SECISBP2L: variants seen among roughly 807,000 people sequenced by gnomAD.
The protein encoded by SECISBP2L is selenocysteine insertion sequence-binding protein 2-like.
Under a neutral mutation model 114.7 loss-of-function variants are expected in SECISBP2L, and 43 were observed. That is an observed-to-expected ratio of 0.38 (90% confidence interval 0.29 to 0.48). The LOEUF is 0.48. Ranked by LOEUF, SECISBP2L falls within the 20% of genes least tolerant of loss-of-function variation. SECISBP2L has a pLI of 0.98. For synonymous variants in SECISBP2L, 451 were observed against 439.7 expected (o/e 1.03, Z -0.32); for missense variants, 1,136 against 1,301.1 (o/e 0.87, Z 1.95).
chr15:49,038,066 G>C (rs183612055), intron 1 of SECISBP2L, among the ~76,000 whole-genome samples: 1 of 152,102 alleles, frequency 6.6e-6, no homozygotes, highest in East Asian at 1.9e-4. Context: ...TAAAAATAAA[G>C]TTGGTAGTAA....
At chr15:49,040,837 C>T (rs1010484643) in intron 1 of SECISBP2L, among the ~76,000 whole-genome samples, 4 of 151,538 alleles carry the variant, frequency 2.6e-5, no homozygotes, top group Admixed American at 6.6e-5. Flanking sequence ...CGCGCCCGGC[C>T]GATCCCAAAC....
intron 6 of SECISBP2L, 82 bp downstream of exon 6, chr15:49,028,062 A>G: frequency 1.6e-6 from 2 of 1,267,954 alleles, no homozygotes; most frequent in Non-Finnish European, 2.2e-6. Flanking sequence ...TTGCAGTATC[A>G]GCAAGCCTCA....
Position 48,992,287 on chromosome 15 carries a change from T to C in SECISBP2L, c.3263A>G (p.Asn1088Ser), listed in dbSNP as rs145854377. The change falls in exon 18 of 18, where the codon AAC (asparagine) becomes AGC (serine). Residue 1088 changes from asparagine (N) to serine (S), a missense_variant. By Grantham distance (46) the Asn-to-Ser change is conservative. Coordinates refer to ENST00000559471, the MANE Select transcript of SECISBP2L (RefSeq NM_001193489.2). The part of the protein sequence containing the change: ...QQKSSNCSSL[N>S]KEHSDSNYTT... Reference sequence around the variant, plus strand: ...GTAATTAGAATCAGAGTGCTCTTTGTTGAGCGAGCTGCAGTTGCTGGACTT... The same window carrying C: ...GTAATTAGAATCAGAGTGCTCTTTGCTGAGCGAGCTGCAGTTGCTGGACTT... The C allele has an allele frequency of 1.1e-4, 170 of 1,612,600 alleles. 1 individual carries two copies. In the Middle Eastern group the frequency reaches 2.8e-3, roughly 27 times the overall value.
At chr15:49,045,882 T>C (rs1903236860) in intron 1 of SECISBP2L, among the ~76,000 whole-genome samples, 2 of 152,178 alleles carry the variant, frequency 1.3e-5, no homozygotes, top group Non-Finnish European at 1.5e-5. Flanking sequence ...TCTTACAGTC[T>C]TTCTGGGTGA....
intron 6 of SECISBP2L, among the ~76,000 whole-genome samples, chr15:49,027,765 C>T (rs1196442870): frequency 6.6e-6 from 1 of 152,052 alleles, no homozygotes; most frequent in Non-Finnish European, 1.5e-5. Context: ...CTCACCACCA[C>T]GTCCAGTTAA....
intron 1 of SECISBP2L, 23 bp downstream of exon 1, chr15:49,046,253 G>A: frequency 1.9e-6 from 3 of 1,566,906 alleles, no homozygotes; most frequent in Non-Finnish European, 2.6e-6. Context: ...CCGGCTCGGC[G>A]GGCCCAGCCC....
At chr15:49,043,293 T>C (rs977808859) in intron 1 of SECISBP2L, among the ~76,000 whole-genome samples, 5 of 152,116 alleles carry the variant, frequency 3.3e-5, no homozygotes, top group Admixed American at 3.3e-4. Context: ...AGCTAGACAA[T>C]TTTCTATCCT....
intron 7 of SECISBP2L, among the ~76,000 whole-genome samples, chr15:49,026,171 A>C (rs1483054557): frequency 6.6e-6 from 1 of 152,188 alleles, no homozygotes; most frequent in African/African-American, 2.4e-5. Context: ...GAAGCTAAAA[A>C]AGTTGATCTT....
chr15:49,023,561 A>G (rs1000919587), intron 7 of SECISBP2L, among the ~76,000 whole-genome samples: 2 of 152,254 alleles, frequency 1.3e-5, no homozygotes, highest in Non-Finnish European at 2.9e-5. Flanking sequence ...CTGATTCTAT[A>G]CATACACATT....
At chr15:49,014,872 GTATA>G (rs1391271893) in intron 11 of SECISBP2L, among the ~76,000 whole-genome samples, 1 of 148,960 alleles carries the variant, frequency 6.7e-6, no homozygotes, top group Non-Finnish European at 1.5e-5. Context: ...AGTATATACT[GTATA>G]TATAATATAG....
intron 4 of SECISBP2L, among the ~76,000 whole-genome samples, chr15:49,029,687 G>A (rs1006993052): frequency 6.6e-6 from 1 of 152,088 alleles, no homozygotes; most frequent in Non-Finnish European, 1.5e-5. Flanking sequence ...AGAACTTAGG[G>A]GATGCACATA....
intron 4 of SECISBP2L, among the ~76,000 whole-genome samples, chr15:49,032,380 T>C (rs1182088269): frequency 6.6e-6 from 1 of 152,210 alleles, no homozygotes; most frequent in Non-Finnish European, 1.5e-5. Flanking sequence ...TAGCACATTG[T>C]AAGAATACTA....
chr15:49,033,063 G>T lies in SECISBP2L; in HGVS notation c.566C>A (p.Pro189Gln), dbSNP rs762754299. 41 of 1,613,412 alleles carry T rather than the reference G, an allele frequency of 2.5e-5. No homozygotes were observed. The highest frequency in any genetic ancestry group is 3.4e-5 in the Non-Finnish European group (40 of 1,179,888). Residue 189 changes from proline (P) to glutamine (Q), a missense_variant, in exon 4 of 18, where the codon CCG becomes CAG. This residue lies in a region of SECISBP2L where 452 missense variants were observed against 452.3 expected (regional missense o/e 1.00). Coordinates refer to ENST00000559471, the MANE Select transcript of SECISBP2L (RefSeq NM_001193489.2). ...LLQQHIKSKRPLVKNVATQKE... is the reference protein window; with the variant it reads ...LLQQHIKSKRQLVKNVATQKE... ...CTGAGTAGCTACATTTTTCACCAGC[G>T]GCCTTTTGCTTTTTATGTGCTGTTG...
chr15:49,005,136 C>A (rs949185995), intron 14 of SECISBP2L, among the ~76,000 whole-genome samples: 38 of 152,196 alleles, frequency 2.5e-4, no homozygotes, highest in African/African-American at 9.2e-4. Context: ...TTGAGACCAG[C>A]CTGGCCAACA....
intron 17 of SECISBP2L, chr15:48,995,997 G>A: frequency 5.1e-6 from 1 of 197,814 alleles, no homozygotes; most frequent in Non-Finnish European, 1.0e-5. Flanking sequence ...GAACAAATTA[G>A]ATAACTCACT....
rs369349065 is a variant in SECISBP2L, at chr15:49,009,375, G to C, written c.1868C>G (p.Thr623Ser). 2 of 1,612,074 alleles carry C rather than the reference G, an allele frequency of 1.2e-6. No individual in the cohort carries two copies. The highest frequency in any genetic ancestry group is 1.7e-6 in the Non-Finnish European group (2 of 1,179,330). ...AGTATCACTGGGCATGCTTAGTCCAGTATCTGTGGAGATGTGGAGTGAAGG... is the reference window on the plus strand; with the variant it reads ...AGTATCACTGGGCATGCTTAGTCCACTATCTGTGGAGATGTGGAGTGAAGG... Reference protein sequence around the residue: ...LPQEIVSQEDTGLSMPSDTSL... With the variant: ...LPQEIVSQEDSGLSMPSDTSL... The change falls in exon 14 of 18, where the codon ACT becomes AGT. Residue 623 changes from threonine to serine, a missense_variant. This residue lies in a region of SECISBP2L where 684 missense variants were observed against 848.7 expected (regional missense o/e 0.81). Transcript: ENST00000559471.
chr15:49,029,293 G>A (rs929416114), intron 4 of SECISBP2L, among the ~76,000 whole-genome samples: 7 of 152,080 alleles, frequency 4.6e-5, no homozygotes, highest in African/African-American at 1.7e-4. Flanking sequence ...CTACTATACC[G>A]TTTTCTTACC....
chr15:49,014,290 GTTC>G (rs1902494646), intron 11 of SECISBP2L, among the ~76,000 whole-genome samples: 1 of 151,936 alleles, frequency 6.6e-6, no homozygotes, highest in African/African-American at 2.4e-5. Context: ...TATGTTTCTT[GTTC>G]TTCTTCCTCT....
At chr15:49,043,972 T>A (rs1175906680) in intron 1 of SECISBP2L, among the ~76,000 whole-genome samples, 1 of 152,138 alleles carries the variant, frequency 6.6e-6, no homozygotes, top group African/African-American at 2.4e-5. Context: ...GCGTTTTTTT[T>A]TTAAAGTTAC....
Sources: gnomAD v4.1 joint callset for allele counts (sites outside exome capture counted in the v4.1 genomes callset) on GRCh38, gnomAD v4.1.1 for gene constraint, gnomAD v4.1.1 regional missense constraint, MANE v1.5 for transcripts, NCBI Gene and HGNC (gene_info 2026-07-23, HGNC 2026-07-21) for gene names.